Variants in RNF180 observed in about 807,000 individuals in gnomAD.
RNF180 encodes E3 ubiquitin-protein ligase RNF180.
RNF180 carries 38 observed loss-of-function variants against 59.2 expected under a neutral mutation model. The observed-to-expected ratio is 0.64, with a 90% CI of 0.50 to 0.84. The LOEUF (loss-of-function observed/expected upper bound fraction) is 0.84, where lower values mean the gene tolerates loss of function less well. Among genes scored for constraint, RNF180 ranks in the 40% least tolerant of loss-of-function variants. The pLI is 0.00. For missense variants in RNF180, 705 were observed against 700.9 expected, an observed-to-expected ratio of 1.01 and a Z score of -0.07; for synonymous variants, 262 against 240.3, an observed-to-expected ratio of 1.09 and a Z score of -0.84.
chr5:64,195,803 GTCAGC>G lies in RNF180; in HGVS notation c.1-5000_1-4996del, dbSNP rs1349328549. Reference sequence around the variant, plus strand: ...GTTGTAGGTGGCAGAAACCTAATCTGTCAGCTCAGGGTGCAAGGTGGGAACCAGCC... The same window carrying G: ...GTTGTAGGTGGCAGAAACCTAATCTGTCAGGGTGCAAGGTGGGAACCAGCC... On this transcript the variant is annotated intron_variant, in intron 1 of 7. Transcript: ENST00000389100. 2.0e-5 allele frequency among the ~76,000 whole-genome samples: 3 copies of G among 152,200 alleles called. No individual in the cohort carries two copies. The East Asian group carries it at 5.8e-4, about 29-fold the overall frequency.
intron 5 of RNF180, among the ~76,000 whole-genome samples, chr5:64,321,722 AAAG>A (rs1744361497): frequency 1.3e-5 from 2 of 152,202 alleles, no homozygotes; most frequent in Admixed American, 6.5e-5. Context: ...TCCTAAGCAA[AAAG>A]AAGAAGGCTG....
intron 5 of RNF180, among the ~76,000 whole-genome samples, chr5:64,240,099 G>T (rs796426862): frequency 1.3e-5 from 2 of 152,244 alleles, no homozygotes; most frequent in African/African-American, 4.8e-5. Flanking sequence ...AATAGGAAGG[G>T]TTCCCCATGT....
chr5:64,313,208 G>A (rs1050067940), intron 5 of RNF180, among the ~76,000 whole-genome samples: 1 of 152,020 alleles, frequency 6.6e-6, no homozygotes, highest in Non-Finnish European at 1.5e-5. Flanking sequence ...TGTTAAATAG[G>A]TAAACTGTGT....
Position 64,241,961 on chromosome 5 carries a change from C to T in RNF180, c.1227+24565C>T, listed in dbSNP as rs528602072. On this transcript the variant is annotated intron_variant, in intron 5 of 7. Coordinates refer to ENST00000389100, the MANE Select transcript of RNF180 (RefSeq NM_001113561.2). ...CCAGGCTGGTACTCACTGACAGATCCTCTAAAACCACCCTCAAGCTTACAT... is the reference window on the plus strand; with the variant it reads ...CCAGGCTGGTACTCACTGACAGATCTTCTAAAACCACCCTCAAGCTTACAT... Among the ~76,000 whole-genome samples the T allele has an allele frequency of 2.6e-5, 4 of 152,294 alleles. No individual in the cohort carries two copies. In the South Asian group the frequency reaches 8.3e-4, roughly 32 times the overall value.
intron 5 of RNF180, among the ~76,000 whole-genome samples, chr5:64,293,707 T>C (rs1037440534): frequency 6.6e-6 from 1 of 152,106 alleles, no homozygotes; most frequent in Admixed American, 6.5e-5. Flanking sequence ...AGGTGATTTA[T>C]TGGTGATCTA....
intron 7 of RNF180, among the ~76,000 whole-genome samples, chr5:64,368,616 A>G (rs1255900195): frequency 6.6e-6 from 1 of 152,046 alleles, no homozygotes; most frequent in African/African-American, 2.4e-5. Flanking sequence ...ATTTACAAGA[A>G]AAAAACAAAC....
At chr5:64,177,563 A>ATATATG (rs1561167666) in intron 1 of RNF180, among the ~76,000 whole-genome samples, 6 of 135,388 alleles carry the variant, frequency 4.4e-5, no homozygotes, top group Non-Finnish European at 7.9e-5. Context: ...ATATATATAT[A>ATATATG]TATGTATTTA....
intron 7 of RNF180, among the ~76,000 whole-genome samples, chr5:64,335,646 C>G (rs1745094212): frequency 6.6e-6 from 1 of 152,040 alleles, no homozygotes; most frequent in African/African-American, 2.4e-5. Flanking sequence ...ATTTTTTATT[C>G]CTATAGCAAT....
At chr5:64,244,829 C>A (rs541448869) in intron 5 of RNF180, among the ~76,000 whole-genome samples, 187 of 152,264 alleles carry the variant, frequency 1.2e-3, no homozygotes, top group Non-Finnish European at 2.2e-3. Context: ...ACGTTAAGGG[C>A]AGCCAGAGAG....
At chr5:64,291,423 T>TC (rs1742576900) in intron 5 of RNF180, among the ~76,000 whole-genome samples, 1 of 133,584 alleles carries the variant, frequency 7.5e-6, no homozygotes, top group African/African-American at 2.9e-5. Context: ...TTTCTTTTTT[T>TC]TTTTTTTTTT....
At chr5:64,195,720 A>G (rs1317284277) in intron 1 of RNF180, among the ~76,000 whole-genome samples, 3 of 152,236 alleles carry the variant, frequency 2.0e-5, no homozygotes, top group African/African-American at 7.2e-5. Context: ...CAGACATTTA[A>G]GAAATCAAGA....
At position 64,214,307 on chromosome 5, in the gene RNF180, C is replaced by T; in HGVS notation, c.981C>T (p.Asn327=). The change falls in exon 4 of 8, where the codon AAC becomes AAT. Residue 327 remains asparagine (N), a synonymous_variant. Coordinates refer to ENST00000389100, the MANE Select transcript of RNF180 (RefSeq NM_001113561.2). ...ASVYSDHTNT[N]NLTFLMDLPS... is the part of the protein sequence containing the mutation. Reference sequence around the variant, plus strand: ...TGTATTCTGACCATACTAATACTAACAATCTGACTTTCCTGATGGACCTGC... The same window carrying T: ...TGTATTCTGACCATACTAATACTAATAATCTGACTTTCCTGATGGACCTGC... 1 of 1,614,074 alleles carries T rather than the reference C, an allele frequency of 6.2e-7. No individual in the cohort carries two copies. Among genetic ancestry groups the T allele is most frequent in the Non-Finnish European group, 8.5e-7 (1 of 1,180,004 alleles).
intron 5 of RNF180, among the ~76,000 whole-genome samples, chr5:64,306,979 A>G (rs1743500968): frequency 6.7e-6 from 1 of 149,404 alleles, no homozygotes; most frequent in Non-Finnish European, 1.5e-5. Flanking sequence ...TATAATAATA[A>G]TAAAATAAAA....
chr5:64,275,950 G>A (rs553383646), intron 5 of RNF180, among the ~76,000 whole-genome samples: 67 of 152,096 alleles, frequency 4.4e-4, no homozygotes, highest in African/African-American at 1.6e-3. Context: ...CTTCCCTGCT[G>A]ACAAAACTCC....
intron 1 of RNF180, among the ~76,000 whole-genome samples, chr5:64,179,453 A>G (rs575911218): frequency 1.1e-4 from 16 of 152,308 alleles, no homozygotes; most frequent in South Asian, 1.0e-3. Context: ...GCATGTATCA[A>G]TAAACAAAAT....
In RNF180 at chr5:64,173,703, T is replaced by C. The variant is rs114891831; in HGVS notation, c.-1+7750T>C. ...TGGTGACTGCTGTTTTCCTCCCTAC[T>C]TCTATAGCATCAACTTTTTTTTTTT... is the stretch of plus-strand genomic sequence containing the variant. On this transcript the variant is annotated intron_variant, in intron 1 of 7. Coordinates refer to ENST00000389100, the MANE Select transcript of RNF180 (RefSeq NM_001113561.2). Among the ~76,000 whole-genome samples the C allele has an allele frequency of 9.9e-3, 1,491 of 150,950 alleles. 35 individuals carry two copies. Among genetic ancestry groups the C allele is most frequent in the African/African-American group, 0.034 (1,392 of 40,900 alleles).
At chr5:64,353,527 C>A (rs1010419265) in intron 7 of RNF180, among the ~76,000 whole-genome samples, 1 of 151,444 alleles carries the variant, frequency 6.6e-6, no homozygotes, top group Non-Finnish European at 1.5e-5. Flanking sequence ...AGAAATAAGT[C>A]GTATTTAGCC....
intron 7 of RNF180, among the ~76,000 whole-genome samples, chr5:64,340,467 G>T (rs956154654): frequency 6.6e-6 from 1 of 152,172 alleles, no homozygotes; most frequent in African/African-American, 2.4e-5. Context: ...ATAAATCAAA[G>T]AACTCCACAT....
At chr5:64,219,189 A>G (rs1474705199) in intron 5 of RNF180, among the ~76,000 whole-genome samples, 11 of 150,512 alleles carry the variant, frequency 7.3e-5, no homozygotes, top group Non-Finnish European at 1.5e-5. Flanking sequence ...TCATGAATGG[A>G]TGTTGAATTC....
Sources: gnomAD v4.1 joint callset for allele counts (sites outside exome capture counted in the v4.1 genomes callset) on GRCh38, gnomAD v4.1.1 for gene constraint, MANE v1.5 for transcripts, NCBI Gene and HGNC (gene_info 2026-07-23, HGNC 2026-07-21) for gene names.